Variants in C6 observed in about 807,000 individuals in gnomAD.
C6 encodes the protein complement component C6.
Under a neutral mutation model 112.9 loss-of-function variants are expected in C6, and 101 were observed. The observed-to-expected ratio is 0.89, with a 90% confidence interval of 0.76 to 1.06. The LOEUF (loss-of-function observed/expected upper bound fraction) is 1.06, where lower values mean the gene tolerates loss of function less well. C6 is among the 50% of genes least tolerant of loss of function. The pLI, the probability that C6 is intolerant of heterozygous loss-of-function variation, is 0.00. For synonymous variants in C6, 431 were observed against 384.1 expected, an observed-to-expected ratio of 1.12 and a Z score of -1.43; for missense variants, 1,202 against 1,104.6, an observed-to-expected ratio of 1.09 and a Z score of -1.25.
intron 1 of C6, among the ~76,000 whole-genome samples, chr5:41,245,347 T>C (rs1200510143): frequency 6.6e-6 from 1 of 152,154 alleles, no homozygotes; most frequent in East Asian, 1.9e-4. Context: ...CTGACTAACA[T>C]GGTGAAACCC....
chr5:41,253,185 T>A (rs1017234945), intron 1 of C6, among the ~76,000 whole-genome samples: 7 of 152,206 alleles, frequency 4.6e-5, no homozygotes, highest in Admixed American at 3.9e-4. Context: ...TTCATTTATG[T>A]TATGCATGGG....
intron 1 of C6, among the ~76,000 whole-genome samples, chr5:41,239,124 T>C (rs1327902477): frequency 6.7e-6 from 1 of 149,048 alleles, no homozygotes; most frequent in East Asian, 2.0e-4. Context: ...TTTTTTTTTT[T>C]TTTTTGAGAC....
chr5:41,163,269 A>T (rs955844055), intron 9 of C6, among the ~76,000 whole-genome samples: 1 of 151,934 alleles, frequency 6.6e-6, no homozygotes, highest in Non-Finnish European at 1.5e-5. Flanking sequence ...GCATGTCAAA[A>T]ATTTCAAGAA....
intron 1 of C6, among the ~76,000 whole-genome samples, chr5:41,258,992 G>C (rs911552276): frequency 6.6e-6 from 1 of 152,070 alleles, no homozygotes; most frequent in Admixed American, 6.5e-5. Flanking sequence ...ATTTGGGTGG[G>C]GACACAGAAC....
rs1041754839 is a variant in C6, at chr5:41,161,112, C to T, written c.1458+581G>A. ...TTTATCTTCATTTAAATGAAATGAA[C>T]ATAACAGCTTCTTTGGAGGCCTTTT... On this transcript the variant is annotated intron_variant, in intron 10 of 17. Coordinates refer to ENST00000337836, the MANE Select transcript of C6 (RefSeq NM_000065.5). 3.9e-5 allele frequency among the ~76,000 whole-genome samples: 6 copies of T among 152,186 alleles called. No individual in the cohort carries two copies. In the South Asian group the frequency reaches 1.0e-3, roughly 26 times the overall value.
At chr5:41,188,691 T>C (rs112422217) in intron 5 of C6, among the ~76,000 whole-genome samples, 10 of 152,150 alleles carry the variant, frequency 6.6e-5, no homozygotes, top group African/African-American at 2.4e-4. Context: ...TAGGACTAAA[T>C]ATTTGTGAAC....
rs755714988 is a variant in C6, at chr5:41,142,779, C to T, written c.*46G>A. ...TTCTCATTTGTAGGAGTTGGTTCTT[C>T]GGGATGGTAAATCTGTTCATTGTGC... On this transcript the variant is annotated 3_prime_UTR_variant, in exon 18 of 18. Transcript: ENST00000337836. 5.4e-5 allele frequency: 79 copies of T among 1,471,510 alleles called. No homozygotes were observed. The South Asian group carries it at 5.9e-4, about 11-fold the overall frequency. The allele number at this position is 1,471,510 out of a possible 1,614,324, so 91.2% of individuals were successfully genotyped here.
Position 41,230,803 on chromosome 5 carries a change from G to C in C6, c.-20-27553C>G, listed in dbSNP as rs541188859. ...GTGATGTCACCCTGGAGGCCCAGCTGTAAAATTCCTCTCTTTGTATGCTTT... is the reference window on the plus strand; with the variant it reads ...GTGATGTCACCCTGGAGGCCCAGCTCTAAAATTCCTCTCTTTGTATGCTTT... On this transcript the variant is annotated intron_variant, in intron 1 of 17. Coordinates refer to the C6 transcript ENST00000263413. Among the ~76,000 whole-genome samples the C allele has an allele frequency of 2.0e-5, 3 of 152,232 alleles. No individual in the cohort carries two copies. The East Asian group carries it at 5.8e-4, about 29-fold the overall frequency.
intron 3 of C6, among the ~76,000 whole-genome samples, chr5:41,200,333 T>C (rs1750919482): frequency 6.6e-6 from 1 of 152,200 alleles, no homozygotes; most frequent in South Asian, 2.1e-4. Context: ...AGAGAGTCCC[T>C]GTGAAAACCA....
At chr5:41,245,648 T>A (rs1740978535) in intron 1 of C6, among the ~76,000 whole-genome samples, 1 of 152,226 alleles carries the variant, frequency 6.6e-6, no homozygotes, top group Non-Finnish European at 1.5e-5. Flanking sequence ...AATCAGTTAT[T>A]GAGTTCTATC....
chr5:41,176,564 T>A lies in C6; in HGVS notation c.1079A>T (p.Asp360Val), dbSNP rs759047334. 98 of 1,613,798 alleles carry A rather than the reference T, an allele frequency of 6.1e-5. No homozygotes were observed. In the East Asian group the frequency reaches 2.2e-3, roughly 36 times the overall value. Residue 360 changes from aspartate (D) to valine (V), a missense_variant, in exon 8 of 18, where the codon GAC becomes GTC. By Grantham distance (152) the Asp-to-Val change is radical. Coordinates refer to ENST00000337836, the MANE Select transcript of C6 (RefSeq NM_000065.5). Reference sequence around the variant, plus strand: ...AGAGGTGAAGTAATGAGTCCCAAAGTCATCGAATATTCGGCTGTACAAAGC... The same window carrying A: ...AGAGGTGAAGTAATGAGTCCCAAAGACATCGAATATTCGGCTGTACAAAGC... ...NSALYSRIFD[D>V]FGTHYFTSGS... is the part of the protein sequence containing the mutation.
chr5:41,256,327 T>C (rs1330887052), intron 1 of C6, among the ~76,000 whole-genome samples: 2 of 150,802 alleles, frequency 1.3e-5, no homozygotes, highest in Non-Finnish European at 2.9e-5. Flanking sequence ...TACCTAATGC[T>C]AGATGACGAG....
chr5:41,221,558 T>C (rs182532476), intron 1 of C6, among the ~76,000 whole-genome samples: 40 of 152,312 alleles, frequency 2.6e-4, no homozygotes, highest in South Asian at 8.3e-4. Flanking sequence ...CTTTCCTTAA[T>C]AGATTGCTAG....
intron 5 of C6, among the ~76,000 whole-genome samples, chr5:41,189,444 A>G (rs1750030139): frequency 1.3e-5 from 2 of 152,232 alleles, no homozygotes; most frequent in South Asian, 4.1e-4. Flanking sequence ...ATTCTCTCAT[A>G]CAATGGAATG....
rs185908771 is a variant in C6 at position 41,187,176 on chromosome 5, G to A, written c.588-968C>T. On this transcript the variant is annotated intron_variant, in intron 5 of 17. Coordinates refer to ENST00000337836, the MANE Select transcript of C6 (RefSeq NM_000065.5). ...GAATATCACTGGAAAATTCCATGTA[G>A]CAGAAGGAATAGCACCAATGCCCTT... Among the ~76,000 whole-genome samples, 103 of 152,170 alleles carry A rather than the reference G, an allele frequency of 6.8e-4. 1 individual carries two copies. The highest frequency in any genetic ancestry group is 3.4e-3 in the Middle Eastern group (1 of 294).
intron 1 of C6, among the ~76,000 whole-genome samples, chr5:41,230,290 T>C (rs189218324): frequency 1.3e-5 from 2 of 152,096 alleles, no homozygotes; most frequent in African/African-American, 4.8e-5. Context: ...TTTTTCTTCT[T>C]GCAGAGAGCC....
intron 1 of C6, among the ~76,000 whole-genome samples, chr5:41,225,023 A>G (rs1739401058): frequency 6.6e-6 from 1 of 152,110 alleles, no homozygotes. Flanking sequence ...CTTACTGGCC[A>G]TTTGTATGTC....
chr5:41,161,844 C>T lies in C6; in HGVS notation c.1307G>A (p.Gly436Glu), dbSNP rs1008070604. 9 of 1,613,362 alleles carry T rather than the reference C, an allele frequency of 5.6e-6. No homozygotes were observed. The Admixed American group carries it at 1.3e-4, about 24-fold the overall frequency. Reference protein sequence around the residue: ...SEKHEGSFIQGAEKSISLIRG... With the variant: ...SEKHEGSFIQEAEKSISLIRG... ...AATCAGGGATATGGATTTCTCTGCT[C>T]CCTGTATAAATGAACCTGCAAGGTG... The change falls in exon 10 of 18, where the codon GGA (glycine) becomes GAA (glutamate). Residue 436 changes from glycine (G) to glutamate (E), a missense_variant. Physicochemically the swap from Gly to Glu is moderately conservative, Grantham distance 98 (BLOSUM62 -2). Coordinates refer to ENST00000337836, the MANE Select transcript of C6 (RefSeq NM_000065.5).
chr5:41,158,627 C>A, intron 13 of C6, 47 bp downstream of exon 13: 1 of 962,150 alleles, frequency 1.0e-6, no homozygotes, highest in South Asian at 1.3e-5. Context: ...CTATACTTTT[C>A]GAGGTTTTTA....
Sources: allele counts gnomAD v4.1 joint callset (sites outside exome capture counted in the v4.1 genomes callset), GRCh38; gene constraint gnomAD v4.1.1; transcripts MANE v1.5; gene names NCBI Gene and HGNC (gene_info 2026-07-23, HGNC 2026-07-21).